The following NPHP4 variants were observed in gnomAD, a reference collection of about 807,000 sequenced individuals.
The protein encoded by NPHP4 is nephrocystin 4, also known as nephrocystin-4.
Under a neutral mutation model 155.8 loss-of-function variants are expected in NPHP4, and 151 were observed. That is an observed-to-expected ratio of 0.97 (90% CI 0.85 to 1.11). NPHP4 has a LOEUF of 1.11. Among genes scored for constraint, NPHP4 ranks in the 50% least tolerant of loss-of-function variants. NPHP4 has a pLI of 0.00. For missense variants in NPHP4, 1,956 were observed against 1,925.7 expected (o/e 1.02, Z -0.29); for synonymous variants, 845 against 816.8 (o/e 1.03, Z -0.59).
intron 1 of NPHP4, among the ~76,000 whole-genome samples, chr1:5,990,037 G>A (rs1282780722): frequency 6.6e-6 from 1 of 152,194 alleles, no homozygotes; most frequent in African/African-American, 2.4e-5. Flanking sequence ...TCTGCAGGTG[G>A]GAGCCCAAGC....
rs1388840593 is a variant in NPHP4, at chr1:5,867,724, T to C, written c.3472+16A>G. On this transcript the variant is annotated intron_variant, in intron 24 of 29. Transcript: ENST00000378156. The surrounding 1 kb of genome is among the most constrained non-coding windows in gnomAD (Gnocchi z 4.1). ...AGCCTGCAACATGTGGGCTGCAGGG[T>C]CAGTGCAGGACCTGCCTGGAAATGT... The C allele has an allele frequency of 6.2e-7, 1 of 1,606,806 alleles. No individual in the cohort carries two copies. Among genetic ancestry groups the C allele is most frequent in the Non-Finnish European group, 8.5e-7 (1 of 1,179,406 alleles).
Position 5,905,657 on chromosome 1 carries a change from TAG to T in NPHP4, c.1736_1737del (p.Pro579HisfsTer35). The stretch of plus-strand genomic sequence containing the variant: ...CTCCTGGTCTGGGTTCCCACAACAA[TAG>T]GGGCATGCAAAGGCGTGAACGGCAG... ...QELPFTPLHA[P>X]IVVGTQTRSS... On this transcript the variant is annotated frameshift_variant, in exon 14 of 30. Coordinates refer to ENST00000378156, the MANE Select transcript of NPHP4 (RefSeq NM_015102.5). LOFTEE classifies it high-confidence loss of function. This position sits in a 1 kb window ranked among gnomAD's most constrained non-coding sequence, Gnocchi z 4.0. 1.2e-6 allele frequency: 2 copies of T among 1,613,808 alleles called. No homozygotes were observed. The highest frequency in any genetic ancestry group is 1.1e-5 in the South Asian group (1 of 91,052).
In NPHP4 at chr1:5,887,444, G is replaced by C. The variant is rs201527181; in HGVS notation, c.2327C>G (p.Pro776Arg). 154 of 1,613,224 alleles carry C rather than the reference G, an allele frequency of 9.5e-5. No homozygotes were observed. In the African/African-American group the frequency reaches 2.0e-3, roughly 21 times the overall value. ...QMKHLLRQGR[P>R]AVQASHELEV... ...AAGCTCGTGGGAGGCCTGCACAGCCGGCCGGCCTTGGCGGAGGAGATGCTG... is the reference window on the plus strand; with the variant it reads ...AAGCTCGTGGGAGGCCTGCACAGCCCGCCGGCCTTGGCGGAGGAGATGCTG... The change falls in exon 18 of 30, where the codon CCG becomes CGG. Residue 776 changes from proline (P) to arginine (R), a missense_variant. By Grantham distance (103) the Pro-to-Arg change is moderately radical (BLOSUM62 -2). Transcript: ENST00000378156.
In NPHP4 at chr1:5,892,896, C is replaced by A. The variant is rs146863001; in HGVS notation, c.2144-1868G>T. ...TCCTGCACCCCCTTCACAAACACCACGCCCCAGCCCGGCTGGAATCCTCAC... is the reference window on the plus strand; with the variant it reads ...TCCTGCACCCCCTTCACAAACACCAAGCCCCAGCCCGGCTGGAATCCTCAC... On this transcript the variant is annotated intron_variant, in intron 16 of 29. Coordinates refer to ENST00000378156, the MANE Select transcript of NPHP4 (RefSeq NM_015102.5). The surrounding 1 kb of genome is among the most constrained non-coding windows in gnomAD (Gnocchi z 4.5). Among the ~76,000 whole-genome samples the A allele has an allele frequency of 2.7e-4, 41 of 152,308 alleles. No homozygotes were observed. In the South Asian group the frequency reaches 8.3e-3, roughly 31 times the overall value.
intron 8 of NPHP4, among the ~76,000 whole-genome samples, chr1:5,947,630 G>A (rs1457490409): frequency 4.6e-5 from 7 of 152,212 alleles, no homozygotes; most frequent in Non-Finnish European, 1.0e-4. Context: ...GAGGACACCT[G>A]GCCTCTGCCT....
intron 25 of NPHP4, 66 bp from the exon 26 acceptor site, chr1:5,866,524 A>T (rs1641250525): frequency 1.1e-6 from 1 of 890,834 alleles, no homozygotes; most frequent in African/African-American, 1.6e-5. Context: ...TGGCCCCTAA[A>T]TCTGTGACTA....
At chr1:5,874,366 C>G (rs1368777655) in intron 22 of NPHP4, 105 bp downstream of exon 22, 10 of 1,142,348 alleles carry the variant, frequency 8.8e-6, no homozygotes, top group South Asian at 1.7e-5. Flanking sequence ...CAAGGCTAGT[C>G]TGTCTGCACA....
rs747091960 is a variant in NPHP4, at chr1:5,874,879, C to G, written c.3039G>C (p.Glu1013Asp). 73 of 1,613,402 alleles carry G rather than the reference C, an allele frequency of 4.5e-5. 1 individual carries two copies. In the Middle Eastern group the frequency reaches 8.2e-4, roughly 18 times the overall value. ...GGGCACCACTGAGACCTCACCTGAG[C>G]TCGGGGTTGTCGATCTCCACAGTCA... is the stretch of plus-strand genomic sequence containing the variant. ...HTVTVEIDNPELSVIVDSQEW... is the reference protein window; with the variant it reads ...HTVTVEIDNPDLSVIVDSQEW... The change falls in exon 21 of 30, where the codon GAG (glutamate) becomes GAC (aspartate). Residue 1013 changes from glutamate (E) to aspartate (D), a missense_variant. Transcript: ENST00000378156.
In NPHP4 at chr1:5,892,238, A is replaced by G. The variant is rs1435964801; in HGVS notation, c.2144-1210T>C. On this transcript the variant is annotated intron_variant, in intron 16 of 29. Coordinates refer to ENST00000378156, the MANE Select transcript of NPHP4 (RefSeq NM_015102.5). This position sits in a 1 kb window ranked among gnomAD's most constrained non-coding sequence, Gnocchi z 4.5. Reference sequence around the variant, plus strand: ...GACGCAGAAGATGGGTGATTTCTGCATTTCCAACTGAGGTACCGGGATCAT... The same window carrying G: ...GACGCAGAAGATGGGTGATTTCTGCGTTTCCAACTGAGGTACCGGGATCAT... Among the ~76,000 whole-genome samples the G allele has an allele frequency of 6.6e-6, 1 of 152,176 alleles. No individual in the cohort carries two copies. The highest frequency in any genetic ancestry group is 1.9e-4 in the East Asian group (1 of 5,184).
At chr1:5,931,596 T>C (rs10864262) in intron 10 of NPHP4, among the ~76,000 whole-genome samples, 60,879 of 151,412 alleles carry the variant, frequency 0.4, 12,820 homozygotes, top group East Asian at 0.75. Flanking sequence ...TAGCCAGGCA[T>C]GGTGGTGGGC....
At chr1:5,954,173 A>G (rs190646283) in intron 6 of NPHP4, among the ~76,000 whole-genome samples, 1 of 152,366 alleles carries the variant, frequency 6.6e-6, no homozygotes, top group Non-Finnish European at 1.5e-5. Flanking sequence ...TTTATGTGCA[A>G]GAATATTCAT....
At chr1:5,964,210 T>C (rs1177956007) in intron 5 of NPHP4, among the ~76,000 whole-genome samples, 14 of 152,210 alleles carry the variant, frequency 9.2e-5, no homozygotes, top group Admixed American at 7.8e-4. Context: ...ACAAGCGCAT[T>C]AGCTTCTGTG....
chr1:5,960,201 T>TAA (rs1650041370), intron 6 of NPHP4, among the ~76,000 whole-genome samples: 1 of 152,130 alleles, frequency 6.6e-6, no homozygotes, highest in South Asian at 2.1e-4. Flanking sequence ...GGAGAGCACT[T>TAA]ATAGCTCAGT....
intron 19 of NPHP4, 180 bp from the exon 20 acceptor site, chr1:5,877,478 C>T (rs1027110973): frequency 1.4e-5 from 6 of 442,980 alleles, no homozygotes; most frequent in Non-Finnish European, 2.4e-5. Context: ...TAACTTTATA[C>T]CCTGGTTTCC....
intron 20 of NPHP4, chr1:5,876,266 CTGAGGCCTGGGAGGAGGCCCCAG>C (rs1419949756): frequency 6.6e-6 from 1 of 152,312 alleles, no homozygotes; most frequent in Admixed American, 6.5e-5. Context: ...GGTGGGTGTC[CTGAGGCCTGGGAGGAGGCCCCAG>C]TCATGCCCTG....
chr1:5,891,933 G>T (rs971648728), intron 16 of NPHP4, among the ~76,000 whole-genome samples: 1 of 152,236 alleles, frequency 6.6e-6, no homozygotes, highest in Non-Finnish European at 1.5e-5. Context: ...TCCGGACAGG[G>T]GACCTAGGGG....
rs546302038 is a variant in NPHP4, at chr1:5,889,476, G to A, written c.2304+1392C>T. Among the ~76,000 whole-genome samples the A allele has an allele frequency of 4.6e-5, 7 of 152,314 alleles. 1 individual carries two copies. Among genetic ancestry groups the A allele is most frequent in the African/African-American group, 9.6e-5 (4 of 41,570 alleles). ...ACGGCACTTGTTTAAGGGGCTCTTC[G>A]TGTAGGGGGAGATCAAATGGCTTCC... On this transcript the variant is annotated intron_variant, in intron 17 of 29. Transcript: ENST00000378156. This position sits in a 1 kb window ranked among gnomAD's most constrained non-coding sequence, Gnocchi z 4.2.
In NPHP4 at chr1:5,945,910, C is replaced by CT. The variant is rs537968906; in HGVS notation, c.1119+1193_1119+1194insA. 2.6e-5 allele frequency among the ~76,000 whole-genome samples: 4 copies of CT among 152,180 alleles called. No homozygotes were observed. The South Asian group carries it at 6.2e-4, about 24-fold the overall frequency. The stretch of plus-strand genomic sequence containing the variant: ...TGATTAGATCTGGCATTGTCCCCCC[C>CT]CAGGGCGTGAATCATCCCTCCGTCC... On this transcript the variant is annotated intron_variant, in intron 9 of 29. Transcript: ENST00000378156.
chr1:5,937,346 A>T (rs1646596044), intron 9 of NPHP4, among the ~76,000 whole-genome samples: 1 of 152,180 alleles, frequency 6.6e-6, no homozygotes, highest in Non-Finnish European at 1.5e-5. Flanking sequence ...CGCTGCTTTG[A>T]GCTGTGGAGG....
Sources: allele counts gnomAD v4.1 joint callset (sites outside exome capture counted in the v4.1 genomes callset), GRCh38; gene constraint gnomAD v4.1.1; non-coding constraint Gnocchi (gnomAD v3.1); transcripts MANE v1.5; gene names NCBI Gene and HGNC (gene_info 2026-07-23, HGNC 2026-07-21).